PCDHGA5: variants seen among roughly 807,000 people sequenced by gnomAD.
The protein encoded by PCDHGA5 is protocadherin gamma-A5.
In PCDHGA5, 36 loss-of-function variants were observed where a neutral mutation model predicts 56.7. That is an observed-to-expected ratio of 0.64 (90% CI 0.49 to 0.84). The LOEUF is 0.84. Ranked by LOEUF, PCDHGA5 falls within the 40% of genes least tolerant of loss-of-function variation. The pLI is 0.00. For synonymous variants in PCDHGA5, 563 were observed against 520.2 expected, an observed-to-expected ratio of 1.08 and a Z score of -1.12; for missense variants, 1,305 against 1,201.5, an observed-to-expected ratio of 1.09 and a Z score of -1.27.
At position 141,427,886 on chromosome 5, in the gene PCDHGA5, C is replaced by T. The variant is rs908553179; in HGVS notation, c.2421+61135C>T. The T allele has an allele frequency of 1.9e-6, 3 of 1,565,276 alleles. 1 individual carries two copies. On this transcript the variant is annotated intron_variant, in intron 1 of 3. Coordinates refer to ENST00000518069, the MANE Select transcript of PCDHGA5 (RefSeq NM_018918.3). ...TCGAGCTCACGATGCAGGCCCACGA[C>T]CAGGGCTCGCCCGCGCTCAGCGCCA...
At chr5:141,469,790 T>G (rs956670031) in intron 1 of PCDHGA5, among the ~76,000 whole-genome samples, 2 of 152,224 alleles carry the variant, frequency 1.3e-5, no homozygotes, top group African/African-American at 4.8e-5. Context: ...GCGTTATTTG[T>G]AATTGCAAAA....
intron 1 of PCDHGA5, chr5:141,419,426 G>C: frequency 6.2e-7 from 1 of 1,613,312 alleles, no homozygotes; most frequent in Non-Finnish European, 8.5e-7. Flanking sequence ...CTTCGACCAC[G>C]AGCAGCTGCG....
chr5:141,383,475 G>A (rs762489709), intron 1 of PCDHGA5: 1 of 1,613,594 alleles, frequency 6.2e-7, no homozygotes, highest in African/African-American at 1.3e-5. Flanking sequence ...CTAAGTACCC[G>A]GAACTGGTGC....
At chr5:141,403,420 A>G in intron 1 of PCDHGA5, 1 of 1,614,050 alleles carries the variant, frequency 6.2e-7, no homozygotes, top group African/African-American at 1.3e-5. Flanking sequence ...CACTTCCAGA[A>G]GCTATTGATC....
rs1365133001 is a variant in PCDHGA5 at position 141,477,683 on chromosome 5, G to A, written c.2422-17124G>A. ...TGACAATGGCATAGTGTCATCCTTA[G>A]TGCCCCTAGACTATGAGGATCGGCG... On this transcript the variant is annotated intron_variant, in intron 1 of 3. Transcript: ENST00000518069. This position sits in a 1 kb window ranked among gnomAD's most constrained non-coding sequence, Gnocchi z 4.9. 1.2e-6 allele frequency: 2 copies of A among 1,614,176 alleles called. No homozygotes were observed. The highest frequency in any genetic ancestry group is 3.3e-5 in the Admixed American group (2 of 60,028).
chr5:141,390,874 G>C (rs2092257325), intron 1 of PCDHGA5: 1 of 153,302 alleles, frequency 6.5e-6, no homozygotes, highest in Non-Finnish European at 1.4e-5. Context: ...GTGCGTGTGT[G>C]TGTGTGTGTG....
intron 1 of PCDHGA5, chr5:141,418,417 T>G: frequency 6.2e-7 from 1 of 1,614,002 alleles, no homozygotes; most frequent in Non-Finnish European, 8.5e-7. Flanking sequence ...AAGACAATCC[T>G]GATGGTGGCA....
At chr5:141,425,047 A>G (rs1590618154) in intron 1 of PCDHGA5, among the ~76,000 whole-genome samples, 1 of 152,198 alleles carries the variant, frequency 6.6e-6, no homozygotes, top group Non-Finnish European at 1.5e-5. Context: ...TAAACTGACT[A>G]TCTAGGGCTC....
chr5:141,477,634 G>C lies in PCDHGA5; in HGVS notation c.2422-17173G>C. 2 of 1,614,176 alleles carry C rather than the reference G, an allele frequency of 1.2e-6. No individual in the cohort carries two copies. Among genetic ancestry groups the C allele is most frequent in the Non-Finnish European group, 1.7e-6 (2 of 1,180,034 alleles). On this transcript the variant is annotated intron_variant, in intron 1 of 3. Transcript: ENST00000518069. This position sits in a 1 kb window ranked among gnomAD's most constrained non-coding sequence, Gnocchi z 4.9. Reference sequence around the variant, plus strand: ...AGCAAGGAGCTGAAACCGGGCTAGTGGGTCGCTATTTCACAATAAATCGTG... The same window carrying C: ...AGCAAGGAGCTGAAACCGGGCTAGTCGGTCGCTATTTCACAATAAATCGTG...
intron 1 of PCDHGA5, chr5:141,371,217 GC>G (rs1377737380): frequency 6.2e-7 from 1 of 1,613,922 alleles, no homozygotes; most frequent in African/African-American, 1.3e-5. Context: ...GGGCATCAAT[GC>G]CGAAATCATC....
In PCDHGA5 at chr5:141,433,322, T is replaced by A. The variant is rs907709272; in HGVS notation, c.2422-61485T>A. On this transcript the variant is annotated intron_variant, in intron 1 of 3. Transcript: ENST00000518069. ...AATTATCCCACCTTTGCCTCCGGTGTAACAGGGACTACAGGTGCAAGCCAC... is the reference window on the plus strand; with the variant it reads ...AATTATCCCACCTTTGCCTCCGGTGAAACAGGGACTACAGGTGCAAGCCAC... The A allele has an allele frequency of 5.3e-6, 4 of 760,298 alleles. No homozygotes were observed. In the African/African-American group the frequency reaches 7.1e-5, roughly 13 times the overall value. The allele number at this position is 760,298 out of a possible 1,614,324, so 47.1% of individuals were successfully genotyped here.
chr5:141,408,770 A>G, intron 1 of PCDHGA5: 1 of 1,611,540 alleles, frequency 6.2e-7, no homozygotes. Flanking sequence ...CGATGGTGGC[A>G]AATACCCAGA....
At position 141,400,963 on chromosome 5, in the gene PCDHGA5, ATC is replaced by A. The variant is rs563949563; in HGVS notation, c.2421+34216_2421+34217del. ...TTCACTGATTTCACTGGTAGTTTTC[ATC>A]TCTTTCTTATGTTCCTCATATATGC... is the stretch of plus-strand genomic sequence containing the variant. On this transcript the variant is annotated intron_variant, in intron 1 of 3. Coordinates refer to ENST00000518069, the MANE Select transcript of PCDHGA5 (RefSeq NM_018918.3). 3.8e-3 allele frequency among the ~76,000 whole-genome samples: 582 copies of A among 152,338 alleles called. 6 individuals carry two copies. Among genetic ancestry groups the A allele is most frequent in the Admixed American group, 0.011 (171 of 15,304 alleles).
chr5:141,463,615 A>G (rs1336539466), intron 1 of PCDHGA5, among the ~76,000 whole-genome samples: 1 of 151,408 alleles, frequency 6.6e-6, no homozygotes, highest in Admixed American at 6.6e-5. Context: ...TGCCCGGCTA[A>G]TTTTTTGTAT....
In PCDHGA5 at chr5:141,512,088, A is replaced by G. The variant is rs192947391; in HGVS notation, c.*915A>G. 2.6e-5 allele frequency: 4 copies of G among 152,772 alleles called. No individual in the cohort carries two copies. Among genetic ancestry groups the G allele is most frequent in the Admixed American group, 6.5e-5 (1 of 15,306 alleles). 9.5% of individuals were successfully genotyped at this position (152,772 alleles called of 1,614,324 possible). On this transcript the variant is annotated 3_prime_UTR_variant, in exon 4 of 4. Transcript: ENST00000518069. ...TCCTCCAGATTCCAGCCATAAACCAATAACTAGGCTGGACCCTTCCCACTA... is the reference window on the plus strand; with the variant it reads ...TCCTCCAGATTCCAGCCATAAACCAGTAACTAGGCTGGACCCTTCCCACTA...
At chr5:141,450,729 C>T (rs370122389) in intron 1 of PCDHGA5, among the ~76,000 whole-genome samples, 3 of 152,048 alleles carry the variant, frequency 2.0e-5, no homozygotes, top group Non-Finnish European at 2.9e-5. Context: ...TCAGGTGATC[C>T]GCCCGCCTTG....
Position 141,431,592 on chromosome 5 carries a change from G to A in PCDHGA5, c.2422-63215G>A, listed in dbSNP as rs1429358254. 2.5e-6 allele frequency: 4 copies of A among 1,614,100 alleles called. No individual in the cohort carries two copies. The Admixed American group carries it at 6.7e-5, about 27-fold the overall frequency. The stretch of plus-strand genomic sequence containing the variant: ...GACGAAGGAGTCAATGCGGAAGTGA[G>A]GTATTCCTTCCGGTATGTGGACGAC... On this transcript the variant is annotated intron_variant, in intron 1 of 3. Transcript: ENST00000518069. The surrounding 1 kb of genome is among the most constrained non-coding windows in gnomAD (Gnocchi z 4.8).
intron 1 of PCDHGA5, among the ~76,000 whole-genome samples, chr5:141,456,790 C>T (rs1364747385): frequency 6.6e-6 from 1 of 151,976 alleles, no homozygotes; most frequent in Admixed American, 6.6e-5. Flanking sequence ...TGGCAAAACC[C>T]CATCTCTACT....
chr5:141,399,259 G>A, intron 1 of PCDHGA5: 1 of 1,613,874 alleles, frequency 6.2e-7, no homozygotes, highest in Non-Finnish European at 8.5e-7. Context: ...AAATGGGGAG[G>A]TTAATTGTCA....
Sources: allele counts gnomAD v4.1 joint callset (sites outside exome capture counted in the v4.1 genomes callset), GRCh38; gene constraint gnomAD v4.1.1; non-coding constraint Gnocchi (gnomAD v3.1); transcripts MANE v1.5; gene names NCBI Gene and HGNC (gene_info 2026-07-23, HGNC 2026-07-21).